CIRSR: variants seen among roughly 807,000 people sequenced by gnomAD.
CIRSR encodes the protein CBF1 (RBPJ) interacting corepressor 1.
At chr2:174,390,695 G>A in the CIRSR span, among the ~76,000 whole-genome samples, 2 of 152,090 alleles carry the variant, frequency 1.3e-5, no homozygotes, top group East Asian at 1.9e-4. Flanking sequence ...CCCGCGTATC[G>A]TGGGAGGAAC....
chr2:174,379,476 C>T, the CIRSR span, among the ~76,000 whole-genome samples: 5 of 152,104 alleles, frequency 3.3e-5, no homozygotes, highest in African/African-American at 4.8e-5. Flanking sequence ...TCTATTCTAA[C>T]GACTCAACTC....
At chr2:174,359,111 T>C in the CIRSR span, among the ~76,000 whole-genome samples, 243 of 151,680 alleles carry the variant, frequency 1.6e-3, no homozygotes, top group African/African-American at 5.5e-3. Flanking sequence ...AAAGAGTACC[T>C]ACTGTATGAT....
At chr2:174,389,103 A>G in the CIRSR span, among the ~76,000 whole-genome samples, 8 of 152,200 alleles carry the variant, frequency 5.3e-5, no homozygotes, top group Non-Finnish European at 1.2e-4. Flanking sequence ...GTAAATTGGT[A>G]TAGGTAGAAT....
the CIRSR span, among the ~76,000 whole-genome samples, chr2:174,363,969 C>T: frequency 1.4e-4 from 22 of 152,278 alleles, no homozygotes; most frequent in Admixed American, 3.9e-4. Context: ...AACAGTCCCC[C>T]GAAGGCCTAA....
chr2:174,363,332 T>C, the CIRSR span, among the ~76,000 whole-genome samples: 2 of 152,188 alleles, frequency 1.3e-5, no homozygotes, highest in Non-Finnish European at 2.9e-5. Flanking sequence ...AAGAGGAGTC[T>C]TTTGGGAAAG....
chr2:174,379,716 C>CTTTTTTTTTT, the CIRSR span, among the ~76,000 whole-genome samples: 3 of 83,718 alleles, frequency 3.6e-5, no homozygotes, highest in African/African-American at 4.5e-5. Flanking sequence ...TGATTCCTGT[C>CTTTTTTTTTT]TTTTTTTTTT....
At chr2:174,387,141 G>A in the CIRSR span, 1 of 152,074 alleles carries the variant, frequency 6.6e-6, no homozygotes, top group East Asian at 1.9e-4. Flanking sequence ...GAACTTCATG[G>A]GCAATTTACC....
the CIRSR span, among the ~76,000 whole-genome samples, chr2:174,370,467 A>C: frequency 6.6e-6 from 1 of 152,198 alleles, no homozygotes; most frequent in Non-Finnish European, 1.5e-5. Context: ...TAATAGATAG[A>C]ATTTTGCTTT....
the CIRSR span, among the ~76,000 whole-genome samples, chr2:174,392,378 A>G: frequency 6.6e-6 from 1 of 152,220 alleles, no homozygotes; most frequent in Non-Finnish European, 1.5e-5. Flanking sequence ...CATTTTAAAA[A>G]CCACTAAATT....
the CIRSR span, chr2:174,348,333 G>C: frequency 9.1e-7 from 1 of 1,096,530 alleles, no homozygotes; most frequent in Middle Eastern, 3.1e-4. Context: ...ATGTAGTTTT[G>C]TACTTGAATT....
the CIRSR span, among the ~76,000 whole-genome samples, chr2:174,356,093 C>T: frequency 6.6e-6 from 1 of 152,150 alleles, no homozygotes; most frequent in Non-Finnish European, 1.5e-5. Context: ...TCAAACAATG[C>T]ATTATCACCT....
At chr2:174,356,874 T>G in the CIRSR span, among the ~76,000 whole-genome samples, 2 of 152,188 alleles carry the variant, frequency 1.3e-5, no homozygotes, top group South Asian at 4.1e-4. Context: ...CTTCAACAAT[T>G]AACAATATTT....
At chr2:174,381,240 A>G in the CIRSR span, among the ~76,000 whole-genome samples, 1 of 152,182 alleles carries the variant, frequency 6.6e-6, no homozygotes, top group Non-Finnish European at 1.5e-5. Context: ...CTGTTGTATG[A>G]TTATAGTTTT....
At chr2:174,351,934 G>C in the CIRSR span, 3 of 405,526 alleles carry the variant, frequency 7.4e-6, no homozygotes, top group Non-Finnish European at 1.3e-5. Flanking sequence ...TTCTTTACGT[G>C]CAAGGGGAGT....
At chr2:174,376,280 A>G in the CIRSR span, among the ~76,000 whole-genome samples, 3 of 152,224 alleles carry the variant, frequency 2.0e-5, no homozygotes, top group Non-Finnish European at 4.4e-5. Context: ...AGATAGAGAA[A>G]AAGAATCACT....
At chr2:174,381,817 C>CAAAA in the CIRSR span, 1 of 1,057,266 alleles carries the variant, frequency 9.5e-7, no homozygotes, top group South Asian at 1.9e-5. Context: ...TTATGTAGGA[C>CAAAA]AAAAAAAAAA....
the CIRSR span, chr2:174,348,605 T>C: frequency 1.9e-6 from 3 of 1,614,222 alleles, no homozygotes; most frequent in East Asian, 6.7e-5. Flanking sequence ...TTCTTCTGCT[T>C]TGCTCTTCAC....
chr2:174,349,530 A>ACT, the CIRSR span, among the ~76,000 whole-genome samples: 1 of 143,496 alleles, frequency 7.0e-6, no homozygotes, highest in African/African-American at 2.6e-5. Flanking sequence ...ATGCCACTGC[A>ACT]CTCCAGCTTG....
At chr2:174,388,296 T>G in the CIRSR span, among the ~76,000 whole-genome samples, 1 of 152,196 alleles carries the variant, frequency 6.6e-6, no homozygotes, top group Non-Finnish European at 1.5e-5. Flanking sequence ...CCTCCCAGGT[T>G]GAAGTGATTT....
Sources: allele counts gnomAD v4.1 joint callset (sites outside exome capture counted in the v4.1 genomes callset), GRCh38; gene constraint gnomAD v4.1.1; transcripts MANE v1.5; gene names NCBI Gene and HGNC (gene_info 2026-07-23, HGNC 2026-07-21).